Variants in ROBO2 observed in about 807,000 individuals in gnomAD.
ROBO2 encodes the protein roundabout homolog 2.
In ROBO2, 53 loss-of-function variants were observed where a neutral mutation model predicts 160.8. The observed-to-expected ratio is 0.33, with a 90% CI of 0.26 to 0.41. ROBO2 has a LOEUF of 0.41. Ranked by LOEUF, ROBO2 falls within the 10% of genes least tolerant of loss-of-function variation. The pLI, the probability that ROBO2 is intolerant of heterozygous loss-of-function variation, is 1.00. For missense variants in ROBO2, 1,577 were observed against 1,722.4 expected (o/e 0.92, Z 1.49); for synonymous variants, 664 against 611.7 (o/e 1.09, Z -1.26).
intron 2 of ROBO2, among the ~76,000 whole-genome samples, chr3:77,386,600 G>A (rs1180202099): frequency 2.7e-5 from 1 of 36,884 alleles, no homozygotes; most frequent in Admixed American, 3.6e-4. Flanking sequence ...TTTCAGCCAG[G>A]TAATTTTTTT....
intron 2 of ROBO2, among the ~76,000 whole-genome samples, chr3:76,982,347 A>T (rs2060140695): frequency 6.6e-6 from 1 of 152,222 alleles, no homozygotes; most frequent in Admixed American, 6.5e-5. Flanking sequence ...TTTCTAATCA[A>T]ATACTATTGC....
At chr3:76,141,077 A>ATAT (rs1553656028) in intron 2 of ROBO2, among the ~76,000 whole-genome samples, 27 of 105,906 alleles carry the variant, frequency 2.5e-4, no homozygotes, top group African/African-American at 3.9e-4. Flanking sequence ...ATATATATAT[A>ATAT]AAATATATGT....
At position 77,389,762 on chromosome 3, in the gene ROBO2, A is replaced by T. The variant is rs530775569; in HGVS notation, c.389-87652A>T. On this transcript the variant is annotated intron_variant, in intron 2 of 25. Transcript: ENST00000461745. Reference sequence around the variant, plus strand: ...GACCGAGTTCATTAACTTTTTTTTAAAAAAAAGAACTATTTCAGCAAGACC... The same window carrying T: ...GACCGAGTTCATTAACTTTTTTTTATAAAAAAGAACTATTTCAGCAAGACC... Among the ~76,000 whole-genome samples the T allele has an allele frequency of 6.7e-5, 10 of 149,198 alleles. No homozygotes were observed. In the East Asian group the frequency reaches 1.4e-3, roughly 21 times the overall value.
At chr3:76,060,438 C>A (rs2107881130) in intron 2 of ROBO2, among the ~76,000 whole-genome samples, 1 of 152,290 alleles carries the variant, frequency 6.6e-6, no homozygotes, top group Middle Eastern at 3.4e-3. Flanking sequence ...GCCTTTGCAG[C>A]TCTCTAAGGT....
At chr3:77,598,651 A>G (rs2094365278) in intron 19 of ROBO2, among the ~76,000 whole-genome samples, 1 of 151,532 alleles carries the variant, frequency 6.6e-6, no homozygotes, top group Admixed American at 6.6e-5. Context: ...GCAAGCCAAC[A>G]CACCCCACTT....
rs201002507 is a variant in ROBO2, at chr3:76,420,581, T to C, written c.109+482979T>C. On this transcript the variant is annotated intron_variant, in intron 2 of 26. Transcript: ENST00000487694. ...TCATTAATAAGTAAACTAATACAGA[T>C]ATATACATACATGCACATATAATTT... 2.0e-5 allele frequency among the ~76,000 whole-genome samples: 3 copies of C among 152,316 alleles called. No homozygotes were observed. In the East Asian group the frequency reaches 5.8e-4, roughly 29 times the overall value.
chr3:77,636,272 G>C lies in ROBO2; in HGVS notation c.3934+1229G>C, dbSNP rs182774185. 1.6e-4 allele frequency among the ~76,000 whole-genome samples: 24 copies of C among 152,178 alleles called. 1 individual carries two copies. The highest frequency in any genetic ancestry group is 5.5e-4 in the African/African-American group (23 of 41,530). ...GTCTCTGTCACAACTACTCAACACT[G>C]CCATTGTTGTATGACTGCAGCTATA... On this transcript the variant is annotated intron_variant, in intron 24 of 25. Coordinates refer to ENST00000461745, the Ensembl canonical transcript of ROBO2.
intron 1 of ROBO2, among the ~76,000 whole-genome samples, chr3:75,935,306 C>T (rs1443757945): frequency 6.6e-6 from 1 of 151,942 alleles, no homozygotes; most frequent in Admixed American, 6.6e-5. Context: ...GATCCCTTGA[C>T]CTAAGGAGTC....
intron 2 of ROBO2, among the ~76,000 whole-genome samples, chr3:76,044,655 G>A (rs1291780903): frequency 6.6e-6 from 1 of 151,962 alleles, no homozygotes; most frequent in East Asian, 1.9e-4. Context: ...AATGACAGGT[G>A]TTTAGCCTCA....
rs528308250 is a variant in ROBO2, at chr3:76,508,092, A to G, written c.109+570490A>G. 5.3e-5 allele frequency among the ~76,000 whole-genome samples: 8 copies of G among 152,300 alleles called. No homozygotes were observed. The East Asian group carries it at 7.7e-4, about 15-fold the overall frequency. On this transcript the variant is annotated intron_variant, in intron 2 of 26. Coordinates refer to the ROBO2 transcript ENST00000487694. ...AATAGAGATCCATGATACCTACACA[A>G]TTTCAAGTACGGTGTGACTTTCCAT...
At chr3:77,258,490 G>T (rs1373468513) in intron 2 of ROBO2, among the ~76,000 whole-genome samples, 1 of 151,882 alleles carries the variant, frequency 6.6e-6, no homozygotes, top group Non-Finnish European at 1.5e-5. Flanking sequence ...GGCCATGGTG[G>T]TACACACCTG....
chr3:77,277,176 CT>C (rs1324477545), intron 2 of ROBO2, among the ~76,000 whole-genome samples: 78 of 101,664 alleles, frequency 7.7e-4, no homozygotes, highest in African/African-American at 2.8e-3. Flanking sequence ...TTCTTTCTTT[CT>C]TTCTTTCTTT....
At chr3:76,025,053 A>G (rs771003053) in intron 2 of ROBO2, among the ~76,000 whole-genome samples, 6 of 150,922 alleles carry the variant, frequency 4.0e-5, no homozygotes, top group Non-Finnish European at 8.9e-5. Context: ...ATTTATTTCT[A>G]TGGAGAACCA....
chr3:76,900,088 G>A (rs12485996), intron 2 of ROBO2, among the ~76,000 whole-genome samples: 4,184 of 152,178 alleles, frequency 0.027, 91 homozygotes, highest in South Asian at 0.12. Flanking sequence ...CAGCTTAAGT[G>A]GATGGCAGCA....
intron 1 of ROBO2, among the ~76,000 whole-genome samples, chr3:77,094,650 G>A (rs1377363032): frequency 6.6e-6 from 1 of 152,118 alleles, no homozygotes; most frequent in East Asian, 1.9e-4. Flanking sequence ...ATTCACACTA[G>A]CAATGGATGA....
chr3:76,139,810 G>C (rs1228190891), intron 2 of ROBO2, among the ~76,000 whole-genome samples: 2 of 152,070 alleles, frequency 1.3e-5, no homozygotes, highest in Non-Finnish European at 2.9e-5. Flanking sequence ...AAAATGTCAG[G>C]TAAAACATGG....
At chr3:76,094,519 C>A (rs527662894) in intron 2 of ROBO2, among the ~76,000 whole-genome samples, 2 of 152,302 alleles carry the variant, frequency 1.3e-5, no homozygotes, top group African/African-American at 4.8e-5. Context: ...ATTAAGTCTT[C>A]TCTGGAAGAT....
chr3:77,537,037 T>A (rs1208185915), intron 6 of ROBO2, among the ~76,000 whole-genome samples: 1 of 149,648 alleles, frequency 6.7e-6, no homozygotes, highest in Admixed American at 6.7e-5. Context: ...GAGCACATTA[T>A]GTGTGACTCT....
intron 2 of ROBO2, among the ~76,000 whole-genome samples, chr3:76,395,719 T>G (rs1350047065): frequency 2.0e-5 from 3 of 152,120 alleles, no homozygotes; most frequent in African/African-American, 7.2e-5. Context: ...CTAGAAAATC[T>G]AGAAGAAACA....
Sources: gnomAD v4.1 joint callset for allele counts (sites outside exome capture counted in the v4.1 genomes callset) on GRCh38, gnomAD v4.1.1 for gene constraint, MANE v1.5 for transcripts, NCBI Gene and HGNC (gene_info 2026-07-23, HGNC 2026-07-21) for gene names.